The following SCN3A variants were observed in gnomAD, a reference collection of about 807,000 sequenced individuals.
SCN3A encodes sodium channel protein type 3 subunit alpha.
SCN3A carries 60 observed loss-of-function variants against 187.6 expected under a neutral mutation model. The ratio of observed to expected loss-of-function variants is 0.32; its 90% confidence interval spans 0.26 to 0.40. The LOEUF is 0.40. Among genes scored for constraint, SCN3A ranks in the 10% least tolerant of loss-of-function variants. The pLI is 1.00. For missense variants in SCN3A, 1,601 were observed against 2,428.2 expected (o/e 0.66, Z 7.16); for synonymous variants, 788 against 829.2 (o/e 0.95, Z 0.85).
intron 18 of SCN3A, among the ~76,000 whole-genome samples, chr2:165,120,300 T>C (rs1293760001): frequency 6.6e-6 from 1 of 151,746 alleles, no homozygotes. Flanking sequence ...TAAGAAACAA[T>C]AGAGTTAACA....
chr2:165,116,039 T>G (rs1395318464), intron 18 of SCN3A, among the ~76,000 whole-genome samples: 2 of 152,198 alleles, frequency 1.3e-5, no homozygotes, highest in Non-Finnish European at 2.9e-5. Context: ...CAGTTGTTTC[T>G]AAGTATTGTC....
intron 21 of SCN3A, among the ~76,000 whole-genome samples, chr2:165,111,146 C>A (rs1055246226): frequency 6.6e-6 from 1 of 152,050 alleles, no homozygotes. Context: ...ACCAGCCTGG[C>A]CAACATGGCA....
chr2:165,171,715 T>G (rs1344039161), intron 3 of SCN3A, among the ~76,000 whole-genome samples: 1 of 152,104 alleles, frequency 6.6e-6, no homozygotes, highest in Non-Finnish European at 1.5e-5. Context: ...CCAGTAAGTC[T>G]TAGTACATTA....
chr2:165,098,716 G>C (rs1042597065), intron 22 of SCN3A, among the ~76,000 whole-genome samples: 6 of 152,158 alleles, frequency 3.9e-5, no homozygotes, highest in African/African-American at 1.4e-4. Flanking sequence ...ACCACCACAG[G>C]TTCTCCTGTT....
intron 2 of SCN3A, among the ~76,000 whole-genome samples, chr2:165,180,798 G>T (rs1007688472): frequency 6.6e-6 from 1 of 152,150 alleles, no homozygotes; most frequent in Non-Finnish European, 1.5e-5. Context: ...AGATTGGAAA[G>T]ATGGTGGCAG....
Position 165,162,625 on chromosome 2 carries a change from C to T in SCN3A, c.898G>A (p.Asp300Asn), listed in dbSNP as rs775658357. ...NTTSYFNGTMDSNGTFVNVTM... is the reference protein window; with the variant it reads ...NTTSYFNGTMNSNGTFVNVTM... ...ACATTAACAAATGTCCCATTTGAAT[C>T]CATTGTGCCATTAAAGTAGGAAGTG... Residue 300 changes from aspartate (D) to asparagine (N), a missense_variant, in exon 8 of 28, where the codon GAT becomes AAT. By Grantham distance (23) the Asp-to-Asn change is conservative. Coordinates refer to ENST00000283254, the MANE Select transcript of SCN3A (RefSeq NM_006922.4). The T allele has an allele frequency of 1.9e-6, 3 of 1,614,130 alleles. No homozygotes were observed. The highest frequency in any genetic ancestry group is 2.5e-6 in the Non-Finnish European group (3 of 1,180,004).
At chr2:165,177,835 A>G (rs1337822587) in intron 2 of SCN3A, among the ~76,000 whole-genome samples, 1 of 152,218 alleles carries the variant, frequency 6.6e-6, no homozygotes, top group African/African-American at 2.4e-5. Context: ...GCCAAAAATC[A>G]CATTTAAAAA....
Position 165,115,498 on chromosome 2 carries a change from A to G in SCN3A, c.3471T>C (p.Thr1157=), listed in dbSNP as rs1379487367. The G allele has an allele frequency of 1.2e-6, 2 of 1,613,844 alleles. No homozygotes were observed. The highest frequency in any genetic ancestry group is 1.7e-6 in the Non-Finnish European group (2 of 1,179,940). The change falls in exon 19 of 28, where the codon ACT becomes ACC. Residue 1157 remains threonine, a synonymous_variant. Transcript: ENST00000283254. ...CCGGTTTAAGGTCTTCTTCGGGTTCAGTTTCAGCTTGTTCACCTTCTCGGG... is the reference window on the plus strand; with the variant it reads ...CCGGTTTAAGGTCTTCTTCGGGTTCGGTTTCAGCTTGTTCACCTTCTCGGG... ...VLPREGEQAE[T]EPEEDLKPEA... is the part of the protein sequence containing the mutation.
chr2:165,156,232 T>C (rs375997400), intron 9 of SCN3A, among the ~76,000 whole-genome samples: 142 of 151,970 alleles, frequency 9.3e-4, no homozygotes, highest in Non-Finnish European at 1.4e-3. Context: ...TAAGGCCGGG[T>C]GCAGTGGCTC....
Position 165,197,474 on chromosome 2 carries a change from A to G in SCN3A, c.-248+6349T>C, listed in dbSNP as rs1390351269. Among the ~76,000 whole-genome samples the G allele has an allele frequency of 2.0e-5, 3 of 151,988 alleles. No individual in the cohort carries two copies. The East Asian group carries it at 5.8e-4, about 29-fold the overall frequency. On this transcript the variant is annotated intron_variant, in intron 1 of 27. Coordinates refer to ENST00000283254, the MANE Select transcript of SCN3A (RefSeq NM_006922.4). ...CATTGCTCTTTTTTAAGTTTTCCAA[A>G]TGATTCTAATGTGCATCCACAGCTG...
intron 17 of SCN3A, 119 bp from the exon 18 acceptor site, chr2:165,128,220 TTA>T (rs1687112259): frequency 1.4e-5 from 11 of 813,860 alleles, no homozygotes; most frequent in Non-Finnish European, 2.1e-5. Context: ...TATTGAATGC[TTA>T]CTATATTTCA....
At chr2:165,200,508 T>C (rs1457999909) in intron 1 of SCN3A, among the ~76,000 whole-genome samples, 1 of 152,056 alleles carries the variant, frequency 6.6e-6, no homozygotes, top group African/African-American at 2.4e-5. Context: ...AGATAAGAAC[T>C]CGTAAGAGCT....
chr2:165,164,750 T>A (rs546709151), intron 5 of SCN3A, among the ~76,000 whole-genome samples: 2 of 152,276 alleles, frequency 1.3e-5, no homozygotes, highest in African/African-American at 4.8e-5. Flanking sequence ...TTTAACTATT[T>A]GGGTTTTAGA....
At chr2:165,144,575 A>G (rs1688208975) in intron 12 of SCN3A, among the ~76,000 whole-genome samples, 2 of 152,260 alleles carry the variant, frequency 1.3e-5, no homozygotes, top group Non-Finnish European at 2.9e-5. Flanking sequence ...GTTCCTTAAG[A>G]GAGCCTCTTT....
intron 2 of SCN3A, among the ~76,000 whole-genome samples, chr2:165,180,580 T>G (rs1574314084): frequency 6.6e-6 from 1 of 150,526 alleles, no homozygotes; most frequent in African/African-American, 2.4e-5. Context: ...GCAGGTGGGG[T>G]GGGGGTGGCA....
At position 165,127,729 on chromosome 2, in the gene SCN3A, G is replaced by A. The variant is rs779847226; in HGVS notation, c.3295C>T (p.Leu1099Phe). Residue 1099 changes from leucine (L) to phenylalanine (F), a missense_variant, in exon 18 of 28, where the codon CTC (leucine) becomes TTC (phenylalanine). Leu to Phe is a conservative substitution (Grantham distance 22). Transcript: ENST00000283254. ...ACAGCAATTGGCACTGTGACGGTGA[G>A]GCTGGGGTTGTTTATGAATGACATA... is the stretch of plus-strand genomic sequence containing the variant. ...DYMSFINNPS[L>F]TVTVPIAVGE... 4 of 1,614,134 alleles carry A rather than the reference G, an allele frequency of 2.5e-6. No individual in the cohort carries two copies. The South Asian group carries it at 3.3e-5, about 13-fold the overall frequency.
chr2:165,126,525 TTTTC>T (rs950009741), intron 18 of SCN3A, among the ~76,000 whole-genome samples: 1 of 151,316 alleles, frequency 6.6e-6, no homozygotes, highest in African/African-American at 2.4e-5. Flanking sequence ...TCTTTCCCTT[TTTTC>T]TTTATTTCCT....
At chr2:165,160,068 G>A (rs1476199099) in intron 9 of SCN3A, among the ~76,000 whole-genome samples, 1 of 135,220 alleles carries the variant, frequency 7.4e-6, no homozygotes, top group Non-Finnish European at 1.5e-5. Flanking sequence ...GGCGGAACTT[G>A]CAGTGAGCCG....
chr2:165,161,157 T>G (rs1350874319), intron 9 of SCN3A, among the ~76,000 whole-genome samples: 6 of 147,284 alleles, frequency 4.1e-5, no homozygotes, highest in Non-Finnish European at 9.0e-5. Flanking sequence ...TTTTTTTTTT[T>G]TTTTTGTTTT....
Sources: allele counts gnomAD v4.1 joint callset (sites outside exome capture counted in the v4.1 genomes callset), GRCh38; gene constraint gnomAD v4.1.1; transcripts MANE v1.5; gene names NCBI Gene and HGNC (gene_info 2026-07-23, HGNC 2026-07-21).